VPS13D: variants seen among roughly 807,000 people sequenced by gnomAD.
VPS13D encodes the protein intermembrane lipid transfer protein VPS13D.
Under a neutral mutation model 461.9 loss-of-function variants are expected in VPS13D, and 187 were observed. The observed-to-expected ratio is 0.40, with a 90% CI of 0.36 to 0.46. The LOEUF (loss-of-function observed/expected upper bound fraction) is 0.46. Ranked by LOEUF, VPS13D falls within the 20% of genes least tolerant of loss-of-function variation. VPS13D has a pLI of 0.60. For synonymous variants in VPS13D, 1,951 were observed against 1,986.3 expected, an observed-to-expected ratio of 0.98 and a Z score of 0.47; for missense variants, 4,711 against 5,364.9, an observed-to-expected ratio of 0.88 and a Z score of 3.81.
At chr1:12,397,803 A>G (rs537575926) in intron 60 of VPS13D, among the ~76,000 whole-genome samples, 2 of 152,314 alleles carry the variant, frequency 1.3e-5, no homozygotes, top group South Asian at 4.1e-4. Flanking sequence ...GCTGAACTGA[A>G]ACTTGGAGGA....
chr1:12,258,784 C>G (rs995261807), intron 10 of VPS13D, among the ~76,000 whole-genome samples: 5 of 152,178 alleles, frequency 3.3e-5, no homozygotes, highest in African/African-American at 1.2e-4. Flanking sequence ...GGTACTGCCC[C>G]TTAACTAACC....
At chr1:12,427,912 A>G (rs891193319) in intron 65 of VPS13D, among the ~76,000 whole-genome samples, 4 of 152,214 alleles carry the variant, frequency 2.6e-5, no homozygotes, top group African/African-American at 9.7e-5. Context: ...AGAAAAATGT[A>G]TCTTTCCCTC....
intron 59 of VPS13D, among the ~76,000 whole-genome samples, chr1:12,385,592 AT>A (rs1364576823): frequency 1.3e-5 from 2 of 152,236 alleles, no homozygotes; most frequent in African/African-American, 4.8e-5. Context: ...TTGCTAAACT[AT>A]TATTACAATA....
At chr1:12,238,798 G>A (rs1640250995) in intron 2 of VPS13D, among the ~76,000 whole-genome samples, 2 of 151,796 alleles carry the variant, frequency 1.3e-5, no homozygotes, top group African/African-American at 2.4e-5. Context: ...ACCATACCTG[G>A]GTGATTTTTT....
chr1:12,412,054 A>G (rs1644737120), intron 63 of VPS13D, among the ~76,000 whole-genome samples: 5 of 152,248 alleles, frequency 3.3e-5, no homozygotes, highest in Admixed American at 3.3e-4. Context: ...GAAGATGCAA[A>G]GAATATGTGG....
intron 67 of VPS13D, among the ~76,000 whole-genome samples, chr1:12,481,138 G>A (rs1645710290): frequency 6.6e-6 from 1 of 152,164 alleles, no homozygotes; most frequent in African/African-American, 2.4e-5. Flanking sequence ...ACAGGAAGTG[G>A]TGCTGTTGCC....
chr1:12,251,199 T>C (rs950273817), intron 6 of VPS13D, among the ~76,000 whole-genome samples: 1 of 152,276 alleles, frequency 6.6e-6, no homozygotes, highest in African/African-American at 2.4e-5. Context: ...CTGTGGCCCT[T>C]TATGGAAGAG....
intron 59 of VPS13D, 64 bp from the exon 60 acceptor site, chr1:12,386,121 C>A: frequency 6.7e-7 from 1 of 1,487,894 alleles, no homozygotes; most frequent in Non-Finnish European, 8.9e-7. Context: ...TTTTCTTATA[C>A]TCTCCTGGAT....
At chr1:12,244,116 C>T in intron 3 of VPS13D, 130 bp from the exon 4 acceptor site, 1 of 848,710 alleles carries the variant, frequency 1.2e-6, no homozygotes, top group Non-Finnish European at 1.8e-6. Context: ...AGCCTGCTGC[C>T]TGTTGTTTTA....
intron 67 of VPS13D, among the ~76,000 whole-genome samples, chr1:12,472,685 T>C (rs1645579093): frequency 6.6e-6 from 1 of 152,236 alleles, no homozygotes; most frequent in South Asian, 2.1e-4. Context: ...GGACTAGATC[T>C]GTCATGTTTA....
intron 47 of VPS13D, among the ~76,000 whole-genome samples, chr1:12,354,690 C>A (rs1643871010): frequency 1.3e-5 from 2 of 152,206 alleles, no homozygotes; most frequent in South Asian, 4.1e-4. Flanking sequence ...TTTTCCCAAG[C>A]AAAATCTTAT....
intron 60 of VPS13D, among the ~76,000 whole-genome samples, chr1:12,387,855 G>A (rs1039626114): frequency 1.3e-5 from 2 of 152,176 alleles, no homozygotes; most frequent in African/African-American, 4.8e-5. Context: ...AAGGAATAAA[G>A]ATAAGAATGA....
intron 26 of VPS13D, among the ~76,000 whole-genome samples, chr1:12,306,843 G>T (rs1412043207): frequency 3.9e-5 from 6 of 152,096 alleles, no homozygotes; most frequent in African/African-American, 1.4e-4. Flanking sequence ...ACACAATCTA[G>T]ATCCTTCTCT....
At chr1:12,497,314 C>G (rs1295550340) in intron 67 of VPS13D, 186 bp from the exon 68 acceptor site, 2 of 570,582 alleles carry the variant, frequency 3.5e-6, no homozygotes, top group East Asian at 8.1e-5. Context: ...AGGCAGGATT[C>G]AAAGTCAAAT....
At chr1:12,432,609 CTTT>C (rs758179241) in intron 65 of VPS13D, among the ~76,000 whole-genome samples, 3 of 139,826 alleles carry the variant, frequency 2.1e-5, no homozygotes, top group Admixed American at 7.2e-5. Flanking sequence ...AATCCTTTCC[CTTT>C]TTTTTTTTTT....
intron 66 of VPS13D, among the ~76,000 whole-genome samples, chr1:12,459,628 A>G (rs1645380941): frequency 6.6e-6 from 1 of 151,644 alleles, no homozygotes; most frequent in Non-Finnish European, 1.5e-5. Flanking sequence ...ACAGGCACGC[A>G]TCACCACGCC....
At chr1:12,476,314 G>A (rs1165257183) in intron 67 of VPS13D, among the ~76,000 whole-genome samples, 1 of 152,344 alleles carries the variant, frequency 6.6e-6, no homozygotes, top group Middle Eastern at 3.4e-3. Context: ...TTCTCAGTCT[G>A]TCTTGGCCCA....
At chr1:12,348,789 A>T (rs1283189070) in intron 44 of VPS13D, 34 bp from the exon 45 acceptor site, 13 of 1,608,078 alleles carry the variant, frequency 8.1e-6, no homozygotes, top group Non-Finnish European at 1.1e-5. Context: ...TTTTTCAGAA[A>T]CATAACTATT....
At chr1:12,414,556 A>G (rs1644771312) in intron 63 of VPS13D, among the ~76,000 whole-genome samples, 1 of 152,186 alleles carries the variant, frequency 6.6e-6, no homozygotes, top group Admixed American at 6.5e-5. Context: ...AGTTTAAAGC[A>G]GAAGAACTTA....
Sources: allele counts gnomAD v4.1 joint callset (sites outside exome capture counted in the v4.1 genomes callset), GRCh38; gene constraint gnomAD v4.1.1; transcripts MANE v1.5; gene names NCBI Gene and HGNC (gene_info 2026-07-23, HGNC 2026-07-21).